The following TOX variants were observed in gnomAD, a reference collection of about 807,000 sequenced individuals.
The protein encoded by TOX is thymocyte selection associated high mobility group box.
In TOX, 11 loss-of-function variants were observed where a neutral mutation model predicts 53.7. The ratio of observed to expected loss-of-function variants is 0.20; its 90% CI spans 0.13 to 0.34. The LOEUF (loss-of-function observed/expected upper bound fraction) is 0.34, where lower values mean the gene tolerates loss of function less well. Ranked by LOEUF, TOX falls within the 10% of genes least tolerant of loss-of-function variation. The pLI, the probability that TOX is intolerant of heterozygous loss-of-function variation, is 1.00. For synonymous variants in TOX, 225 were observed against 245.3 expected (o/e 0.92, Z 0.77); for missense variants, 570 against 664.6 (o/e 0.86, Z 1.56).
intron 1 of TOX, among the ~76,000 whole-genome samples, chr8:59,089,822 T>C (rs1445261467): frequency 6.6e-6 from 1 of 152,216 alleles, no homozygotes; most frequent in African/African-American, 2.4e-5. Flanking sequence ...CAAGTTCAAG[T>C]GACCTCCTGT....
chr8:58,913,768 CTCTATGTAAAAG>C (rs375644114), intron 3 of TOX, among the ~76,000 whole-genome samples: 2 of 92,740 alleles, frequency 2.2e-5, no homozygotes, highest in East Asian at 8.1e-4. Context: ...TTTTATAAAG[CTCTATGTAAAAG>C]TCTAAAAAAT....
intron 1 of TOX, among the ~76,000 whole-genome samples, chr8:59,055,278 C>T (rs1202810104): frequency 6.6e-6 from 1 of 152,164 alleles, no homozygotes; most frequent in Non-Finnish European, 1.5e-5. Flanking sequence ...CATGGATCAA[C>T]ATTAGCACAC....
intron 3 of TOX, among the ~76,000 whole-genome samples, chr8:58,875,131 A>T (rs16924156): frequency 0.071 from 10,885 of 152,258 alleles, 543 homozygotes; most frequent in South Asian, 0.17. Flanking sequence ...GTATGTTTGG[A>T]CATAAGTACA....
At chr8:59,014,125 C>T (rs1221088479) in intron 1 of TOX, among the ~76,000 whole-genome samples, 1 of 152,142 alleles carries the variant, frequency 6.6e-6, no homozygotes. Flanking sequence ...TTAAAGAGTG[C>T]TATTTATTAA....
chr8:58,827,192 A>G (rs1810379669), intron 5 of TOX, among the ~76,000 whole-genome samples: 1 of 152,168 alleles, frequency 6.6e-6, no homozygotes, highest in Non-Finnish European at 1.5e-5. Flanking sequence ...TTGGCTTACA[A>G]AGATACTATT....
At chr8:58,815,269 T>TC (rs374209043) in intron 7 of TOX, 69 bp downstream of exon 7, 39 of 1,510,668 alleles carry the variant, frequency 2.6e-5, no homozygotes, top group Middle Eastern at 5.0e-4. Context: ...GATAAACAGC[T>TC]CCCCCCACCT....
chr8:58,960,405 C>A (rs149553684), intron 1 of TOX, among the ~76,000 whole-genome samples: 1 of 152,100 alleles, frequency 6.6e-6, no homozygotes, highest in Admixed American at 6.5e-5. Flanking sequence ...GAAAAATACA[C>A]GAAGGCACAG....
intron 1 of TOX, among the ~76,000 whole-genome samples, chr8:59,037,167 CTT>C (rs35751133): frequency 7.0e-5 from 10 of 142,948 alleles, no homozygotes; most frequent in East Asian, 4.1e-4. Flanking sequence ...TTCCAAGCTC[CTT>C]TTTTTTTTTT....
chr8:58,869,813 T>G (rs1279716575), intron 3 of TOX, among the ~76,000 whole-genome samples: 1 of 151,594 alleles, frequency 6.6e-6, no homozygotes, highest in Non-Finnish European at 1.5e-5. Flanking sequence ...AACAGGCTAA[T>G]GAACAAAAAC....
intron 1 of TOX, among the ~76,000 whole-genome samples, chr8:58,969,327 G>A (rs1017157025): frequency 2.0e-5 from 3 of 152,118 alleles, no homozygotes; most frequent in African/African-American, 7.2e-5. Flanking sequence ...AATCCTTCAC[G>A]ACATTGAGTA....
chr8:58,823,326 T>C (rs1232858048), intron 6 of TOX, among the ~76,000 whole-genome samples: 2 of 152,178 alleles, frequency 1.3e-5, no homozygotes, highest in South Asian at 2.1e-4. Context: ...CGGGTTCAAG[T>C]GATTCTCCTG....
intron 1 of TOX, among the ~76,000 whole-genome samples, chr8:59,022,390 T>C (rs1246059303): frequency 6.6e-6 from 1 of 152,138 alleles, no homozygotes; most frequent in African/African-American, 2.4e-5. Context: ...TACACTGTCA[T>C]TTAAACCACA....
chr8:58,877,597 A>G (rs1399939693), intron 3 of TOX, among the ~76,000 whole-genome samples: 1 of 152,206 alleles, frequency 6.6e-6, no homozygotes, highest in Non-Finnish European at 1.5e-5. Context: ...ACATAATCCA[A>G]TAAAGCTCAC....
rs1812398497 is a variant in TOX at position 58,939,474 on chromosome 8, T to C, written c.239A>G (p.Asp80Gly). 6.2e-7 allele frequency: 1 copy of C among 1,614,056 alleles called. No homozygotes were observed. Among genetic ancestry groups the C allele is most frequent in the Non-Finnish European group, 8.5e-7 (1 of 1,180,028 alleles). ...TTCATTCAGGTGCACCAGCGAGTGGTCTGGGAGGGAAGGAGGAGTAATTGG... is the reference window on the plus strand; with the variant it reads ...TTCATTCAGGTGCACCAGCGAGTGGCCTGGGAGGGAAGGAGGAGTAATTGG... ...IPPITPPSLP[D>G]HSLVHLNEVE... Residue 80 changes from aspartate to glycine, a missense_variant, in exon 3 of 9, where the codon GAC (aspartate) becomes GGC (glycine). Around this residue, in one of 3 missense-constraint regions of TOX, gnomAD observed 282 missense variants for 315.0 expected, o/e 0.90. Coordinates refer to ENST00000361421, the MANE Select transcript of TOX (RefSeq NM_014729.3).
chr8:58,815,500 T>G lies in TOX; in HGVS notation c.1230A>C (p.Ile410=). ...GAGGAGGGGACACAGCCATGTTTGC[T>G]ATAGAGACAGTCACTGGCATTTGGT... is the stretch of plus-strand genomic sequence containing the variant. ...PNNQMPVTVS[I]ANMAVSPPPP... is the part of the protein sequence containing the mutation. Residue 410 remains isoleucine, a synonymous_variant, in exon 7 of 9, where the codon ATA becomes ATC. Coordinates refer to ENST00000361421, the MANE Select transcript of TOX (RefSeq NM_014729.3). 6.2e-7 allele frequency: 1 copy of G among 1,614,022 alleles called. No individual in the cohort carries two copies. The highest frequency in any genetic ancestry group is 8.5e-7 in the Non-Finnish European group (1 of 1,179,974).
intron 3 of TOX, among the ~76,000 whole-genome samples, chr8:58,873,958 CTTTTTTTTTT>C (rs1173710545): frequency 2.7e-4 from 11 of 40,136 alleles, no homozygotes; most frequent in South Asian, 2.7e-3. Context: ...TGCCAGGAAG[CTTTTTTTTTT>C]TTTTTTTTTT....
In TOX at chr8:58,854,482, G is replaced by A. The variant is rs189159659; in HGVS notation, c.412-2677C>T. ...TTTCTCATGTTAATTTGTGTAGTGT[G>A]TAGATCTCTGGACACTAAAATCTGC... On this transcript the variant is annotated intron_variant, in intron 3 of 8. Coordinates refer to ENST00000361421, the MANE Select transcript of TOX (RefSeq NM_014729.3). Among the ~76,000 whole-genome samples the A allele has an allele frequency of 1.3e-4, 20 of 152,028 alleles. No individual in the cohort carries two copies. In the East Asian group the frequency reaches 3.3e-3, roughly 25 times the overall value.
At chr8:58,911,919 C>T (rs981832605) in intron 3 of TOX, among the ~76,000 whole-genome samples, 6 of 152,170 alleles carry the variant, frequency 3.9e-5, no homozygotes, top group Admixed American at 2.0e-4. Context: ...TCAGGCTGGT[C>T]TCGAACTCCT....
intron 1 of TOX, among the ~76,000 whole-genome samples, chr8:59,078,460 C>G (rs1025138708): frequency 6.6e-6 from 1 of 152,172 alleles, no homozygotes; most frequent in African/African-American, 2.4e-5. Flanking sequence ...GCACTTGCCC[C>G]AACCCCCACA....
Sources: gnomAD v4.1 joint callset for allele counts (sites outside exome capture counted in the v4.1 genomes callset) on GRCh38, gnomAD v4.1.1 for gene constraint, gnomAD v4.1.1 regional missense constraint, MANE v1.5 for transcripts, NCBI Gene and HGNC (gene_info 2026-07-23, HGNC 2026-07-21) for gene names.